Variants in IQCH observed in about 807,000 individuals in gnomAD.
The protein encoded by IQCH is IQ motif containing H, also known as IQ domain-containing protein H.
In IQCH, 98 loss-of-function variants were observed where a neutral mutation model predicts 117.0. The ratio of observed to expected loss-of-function variants is 0.84; its 90% CI spans 0.71 to 0.99. The LOEUF is 0.99. IQCH is among the 50% of genes least tolerant of loss of function. The pLI, the probability that IQCH is intolerant of heterozygous loss-of-function variation, is 0.00. For missense variants in IQCH, 1,102 were observed against 1,243.8 expected (o/e 0.89, Z 1.72); for synonymous variants, 412 against 448.2 (o/e 0.92, Z 1.02).
chr15:67,449,207 G>C (rs1315394803), intron 16 of IQCH, among the ~76,000 whole-genome samples: 1 of 152,110 alleles, frequency 6.6e-6, no homozygotes, highest in South Asian at 2.1e-4. Context: ...TTCTTTTGCT[G>C]TGCAGAAGCT....
chr15:67,428,297 GA>G (rs1031860696), intron 16 of IQCH, among the ~76,000 whole-genome samples: 42 of 151,954 alleles, frequency 2.8e-4, no homozygotes, highest in Middle Eastern at 6.8e-3. Flanking sequence ...TTTATAAAAA[GA>G]AAAAAATATA....
At chr15:67,338,902 T>G (rs1004231469) in intron 5 of IQCH, among the ~76,000 whole-genome samples, 1 of 152,194 alleles carries the variant, frequency 6.6e-6, no homozygotes, top group Non-Finnish European at 1.5e-5. Flanking sequence ...GCCTTCGCTC[T>G]CATCTCTCAT....
intron 4 of IQCH, among the ~76,000 whole-genome samples, chr15:67,319,152 G>A (rs761672467): frequency 6.6e-5 from 10 of 152,114 alleles, no homozygotes; most frequent in African/African-American, 2.4e-4. Context: ...GCATGAATCC[G>A]GGAGGCGGAG....
intron 4 of IQCH, among the ~76,000 whole-genome samples, chr15:67,321,938 C>T (rs542336622): frequency 7.0e-4 from 107 of 152,296 alleles, no homozygotes; most frequent in African/African-American, 2.5e-3. Context: ...AATGTATATC[C>T]TACAATTGTT....
chr15:67,445,183 C>A lies in IQCH; in HGVS notation c.2506-19944C>A, dbSNP rs2082364209. On this transcript the variant is annotated intron_variant, in intron 16 of 20. Coordinates refer to ENST00000335894, the MANE Select transcript of IQCH (RefSeq NM_001031715.3). This position sits in a 1 kb window ranked among gnomAD's most constrained non-coding sequence, Gnocchi z 4.3. The stretch of plus-strand genomic sequence containing the variant: ...CATCTGTTACTAGTACAGTCTAACA[C>A]AGCACTTAAAATCCTTTAAAATCCC... Among the ~76,000 whole-genome samples the A allele has an allele frequency of 6.6e-6, 1 of 152,126 alleles. No individual in the cohort carries two copies. The highest frequency in any genetic ancestry group is 2.4e-5 in the African/African-American group (1 of 41,412).
intron 6 of IQCH, among the ~76,000 whole-genome samples, chr15:67,345,582 A>G (rs914609884): frequency 2.0e-5 from 3 of 152,156 alleles, no homozygotes; most frequent in African/African-American, 7.2e-5. Flanking sequence ...ATAACTACAG[A>G]AAAACTATGA....
intron 1 of IQCH, 80 bp downstream of exon 1, chr15:67,255,027 C>T: frequency 7.2e-7 from 1 of 1,382,752 alleles, no homozygotes; most frequent in Non-Finnish European, 1.0e-6. Context: ...GATTCACCGA[C>T]GCTCACCCAT....
rs1372438447 is a variant in IQCH, at chr15:67,359,263, A to G, written c.715-584A>G. Reference sequence around the variant, plus strand: ...ACGAAAAAAATAGTTTTAAATAATGACATATTTTCTGAATGCTAATGAGCC... The same window carrying G: ...ACGAAAAAAATAGTTTTAAATAATGGCATATTTTCTGAATGCTAATGAGCC... On this transcript the variant is annotated intron_variant, in intron 7 of 20. Coordinates refer to ENST00000335894, the MANE Select transcript of IQCH (RefSeq NM_001031715.3). The surrounding 1 kb of genome is among the most constrained non-coding windows in gnomAD (Gnocchi z 4.5). 6.6e-6 allele frequency among the ~76,000 whole-genome samples: 1 copy of G among 152,206 alleles called. No individual in the cohort carries two copies. Among genetic ancestry groups the G allele is most frequent in the Non-Finnish European group, 1.5e-5 (1 of 68,030 alleles).
At chr15:67,497,825 G>A (rs2141113327) in intron 20 of IQCH, among the ~76,000 whole-genome samples, 1 of 152,266 alleles carries the variant, frequency 6.6e-6, no homozygotes, top group Middle Eastern at 3.4e-3. Context: ...GATTTTTGCA[G>A]TGAAAACTAT....
chr15:67,316,043 T>G (rs561525809), intron 4 of IQCH, among the ~76,000 whole-genome samples: 2 of 152,334 alleles, frequency 1.3e-5, no homozygotes, highest in Non-Finnish European at 2.9e-5. Flanking sequence ...TTTCTCCTTG[T>G]GTAGCTGGTG....
intron 4 of IQCH, among the ~76,000 whole-genome samples, chr15:67,335,414 A>G (rs747731293): frequency 6.6e-6 from 1 of 152,166 alleles, no homozygotes; most frequent in Non-Finnish European, 1.5e-5. Flanking sequence ...AGTTTTATTT[A>G]AGTTGAATCT....
At chr15:67,400,495 T>TC (rs35927542) in intron 14 of IQCH, among the ~76,000 whole-genome samples, 190 bp downstream of exon 14, 28,763 of 128,580 alleles carry the variant, frequency 0.22, 3,400 homozygotes, top group East Asian at 0.49. Context: ...TTTTTTCTTT[T>TC]TTTTTTTGAG....
intron 16 of IQCH, among the ~76,000 whole-genome samples, chr15:67,437,171 A>G (rs559518690): frequency 3.3e-5 from 5 of 152,346 alleles, no homozygotes; most frequent in African/African-American, 9.6e-5. Flanking sequence ...CACCTCCATC[A>G]GAACAGGCAC....
intron 3 of IQCH, among the ~76,000 whole-genome samples, chr15:67,271,009 C>G (rs1350275287): frequency 1.3e-5 from 2 of 152,200 alleles, no homozygotes; most frequent in Non-Finnish European, 2.9e-5. Flanking sequence ...CGCTCTGTTG[C>G]CCAGGCTGGA....
At chr15:67,485,216 CA>C (rs1273203377) in intron 18 of IQCH, among the ~76,000 whole-genome samples, 1 of 152,038 alleles carries the variant, frequency 6.6e-6, no homozygotes, top group Non-Finnish European at 1.5e-5. Context: ...TTCATGTCAC[CA>C]AAGACCTAGA....
chr15:67,335,616 G>A (rs1288064294), intron 4 of IQCH, among the ~76,000 whole-genome samples: 1 of 152,132 alleles, frequency 6.6e-6, no homozygotes, highest in African/African-American at 2.4e-5. Context: ...ATGAGGTGGG[G>A]AGAGGAGAGC....
At chr15:67,470,902 T>C (rs2083056688) in intron 17 of IQCH, among the ~76,000 whole-genome samples, 1 of 152,230 alleles carries the variant, frequency 6.6e-6, no homozygotes, top group African/African-American at 2.4e-5. Context: ...GGTGATCCTT[T>C]TCCCCCTTTT....
chr15:67,276,441 T>A (rs759122519), intron 3 of IQCH, among the ~76,000 whole-genome samples: 2 of 152,214 alleles, frequency 1.3e-5, no homozygotes, highest in Non-Finnish European at 2.9e-5. Context: ...GGGTTTTCTT[T>A]TTGCCTCATA....
In IQCH at chr15:67,454,159, C is replaced by T. The variant is rs1164554459; in HGVS notation, c.2506-10968C>T. Among the ~76,000 whole-genome samples the T allele has an allele frequency of 6.6e-6, 1 of 152,210 alleles. No individual in the cohort carries two copies. The highest frequency in any genetic ancestry group is 1.9e-4 in the East Asian group (1 of 5,196). ...TTTCTTTGACTAGGAAAGGGAATTC[C>T]CTGACCCCTTGCGCTTCCCAGGTGG... is the stretch of plus-strand genomic sequence containing the variant. On this transcript the variant is annotated intron_variant, in intron 16 of 20. Transcript: ENST00000335894. This position sits in a 1 kb window ranked among gnomAD's most constrained non-coding sequence, Gnocchi z 5.2.
Sources: gnomAD v4.1 joint callset for allele counts (sites outside exome capture counted in the v4.1 genomes callset) on GRCh38, gnomAD v4.1.1 for gene constraint, Gnocchi (gnomAD v3.1) non-coding constraint, MANE v1.5 for transcripts, NCBI Gene and HGNC (gene_info 2026-07-23, HGNC 2026-07-21) for gene names.